Variants in RGS10 observed in about 807,000 individuals in gnomAD.
RGS10 encodes regulator of G-protein signalling 10.
In RGS10, 11 loss-of-function variants were observed where a neutral mutation model predicts 23.5. The ratio of observed to expected loss-of-function variants is 0.47; its 90% CI spans 0.29 to 0.77. The LOEUF (loss-of-function observed/expected upper bound fraction) is 0.77, where lower values mean the gene tolerates loss of function less well. Among genes scored for constraint, RGS10 ranks in the 30% least tolerant of loss-of-function variants. RGS10 has a pLI of 0.08. For synonymous variants in RGS10, 77 were observed against 83.2 expected (o/e 0.92, Z 0.41); for missense variants, 180 against 226.3 (o/e 0.80, Z 1.31).
intron 4 of RGS10, 92 bp from the exon 5 acceptor site, chr10:119,500,351 C>A: frequency 8.6e-7 from 1 of 1,156,090 alleles, no homozygotes; most frequent in South Asian, 1.7e-5. Context: ...TACCATGTGC[C>A]AAAGAATACT....
intron 4 of RGS10, among the ~76,000 whole-genome samples, chr10:119,513,716 C>T (rs778547832): frequency 6.6e-6 from 1 of 152,134 alleles, no homozygotes; most frequent in Non-Finnish European, 1.5e-5. Flanking sequence ...CCTTGGCTCC[C>T]GCAGTCCTGG....
At chr10:119,526,983 T>C (rs1394792953) in intron 2 of RGS10, among the ~76,000 whole-genome samples, 4 of 152,028 alleles carry the variant, frequency 2.6e-5, no homozygotes, top group Non-Finnish European at 4.4e-5. Context: ...AGCCTTCACG[T>C]CAGAGAGACC....
intron 1 of RGS10, among the ~76,000 whole-genome samples, chr10:119,537,984 G>A (rs1214610755): frequency 3.3e-5 from 5 of 152,148 alleles, no homozygotes; most frequent in African/African-American, 1.2e-4. Context: ...AAGATTCTGT[G>A]GATCAGGACA....
chr10:119,515,395 G>C (rs1011329155), intron 4 of RGS10, 114 bp downstream of exon 4: 3 of 1,297,630 alleles, frequency 2.3e-6, no homozygotes, highest in Non-Finnish European at 3.2e-6. Context: ...CGGTCTGCCC[G>C]GCCGTATGAG....
chr10:119,504,798 C>A (rs891467725), intron 4 of RGS10, among the ~76,000 whole-genome samples: 2 of 152,148 alleles, frequency 1.3e-5, no homozygotes, highest in Non-Finnish European at 2.9e-5. Flanking sequence ...CAGCCACCAG[C>A]AGTCTGTAAG....
In RGS10 at chr10:119,542,674, C is replaced by G. The variant is rs1283277880; in HGVS notation, c.-36G>C. Reference sequence around the variant, plus strand: ...GCCCGAGGAGGAAGAAGGAGCAGCCCGGCGGCGCGGCGGCTGAGCCGGAGG... The same window carrying G: ...GCCCGAGGAGGAAGAAGGAGCAGCCGGGCGGCGCGGCGGCTGAGCCGGAGG... On this transcript the variant is annotated 5_prime_UTR_variant, in exon 1 of 5. Transcript: ENST00000369103. The G allele has an allele frequency of 6.7e-6, 9 of 1,336,008 alleles. No individual in the cohort carries two copies. Among genetic ancestry groups the G allele is most frequent in the South Asian group, 1.8e-5 (1 of 54,496 alleles). The allele number at this position is 1,336,008 out of a possible 1,614,324, so 82.8% of individuals were successfully genotyped here.
chr10:119,520,257 G>A (rs900499764), intron 3 of RGS10, among the ~76,000 whole-genome samples: 1 of 152,256 alleles, frequency 6.6e-6, no homozygotes, highest in Admixed American at 6.5e-5. Flanking sequence ...AACTGGCTCA[G>A]GAAATGAGAA....
chr10:119,507,474 C>T (rs898905014), intron 4 of RGS10, among the ~76,000 whole-genome samples: 2 of 151,862 alleles, frequency 1.3e-5, no homozygotes, highest in African/African-American at 2.4e-5. Flanking sequence ...TCCCCTCTTA[C>T]GTTCTGGGAA....
rs562970109 is a variant in RGS10, at chr10:119,513,404, G to A, written c.399+2105C>T. 7.4e-4 allele frequency among the ~76,000 whole-genome samples: 112 copies of A among 152,234 alleles called. 2 individuals are homozygous for A. The South Asian group carries it at 0.023, about 31-fold the overall frequency. ...GAGCCCGGGAGGCCAAGGCTGCACT[G>A]AGCCGGGTTCATGCCACTGTGCTCC... On this transcript the variant is annotated intron_variant, in intron 4 of 4. Coordinates refer to ENST00000369103, the MANE Select transcript of RGS10 (RefSeq NM_001005339.2).
At chr10:119,508,946 TA>T (rs2133946990) in intron 4 of RGS10, among the ~76,000 whole-genome samples, 1 of 150,836 alleles carries the variant, frequency 6.6e-6, no homozygotes, top group East Asian at 2.0e-4. Flanking sequence ...AAATATATTT[TA>T]AAAATTAGCC....
At position 119,527,842 on chromosome 10, in the gene RGS10, C is replaced by T. The variant is rs751118021; in HGVS notation, c.50-418G>A. ...TATGGTGCTGTGTTGTGACTATTTA[C>T]ATGACTGACTCCCACTAGTCTGAAG... On this transcript the variant is annotated intron_variant, in intron 1 of 4. Transcript: ENST00000369103. This position sits in a 1 kb window ranked among gnomAD's most constrained non-coding sequence, Gnocchi z 4.2. Among the ~76,000 whole-genome samples the T allele has an allele frequency of 6.6e-6, 1 of 152,328 alleles. No homozygotes were observed. Among genetic ancestry groups the T allele is most frequent in the Middle Eastern group, 3.4e-3 (1 of 294 alleles).
At chr10:119,525,892 C>A (rs1844267680) in intron 3 of RGS10, 140 bp downstream of exon 3, 2 of 438,464 alleles carry the variant, frequency 4.6e-6, no homozygotes, top group Non-Finnish European at 8.2e-6. Flanking sequence ...AATATTTGAT[C>A]AACACAAGAT....
At chr10:119,537,795 C>T (rs890362295) in intron 1 of RGS10, among the ~76,000 whole-genome samples, 4 of 152,172 alleles carry the variant, frequency 2.6e-5, no homozygotes, top group African/African-American at 9.7e-5. Context: ...GTGAACTGTG[C>T]TGGTAGAGGA....
intron 1 of RGS10, among the ~76,000 whole-genome samples, chr10:119,530,016 C>T (rs910467303): frequency 2.6e-5 from 4 of 152,012 alleles, no homozygotes; most frequent in Non-Finnish European, 5.9e-5. Context: ...TGCTTGAACC[C>T]GGGAGGCGGA....
At chr10:119,512,152 G>A (rs201050146) in intron 4 of RGS10, among the ~76,000 whole-genome samples, 2 of 152,118 alleles carry the variant, frequency 1.3e-5, no homozygotes, top group East Asian at 1.9e-4. Flanking sequence ...GGCTAAGTTC[G>A]GGGGCGGCGG....
rs890502628 is a variant in RGS10, at chr10:119,517,479, C to G, written c.256-1827G>C. ...GCCCTGCTGTCCTCTCCAAGACCCA[C>G]CAGCTCCATGAAGCCACAGCCTCCC... On this transcript the variant is annotated intron_variant, in intron 3 of 4. Coordinates refer to ENST00000369103, the MANE Select transcript of RGS10 (RefSeq NM_001005339.2). This position sits in a 1 kb window ranked among gnomAD's most constrained non-coding sequence, Gnocchi z 5.0. 2.0e-5 allele frequency among the ~76,000 whole-genome samples: 3 copies of G among 152,348 alleles called. No homozygotes were observed. Among genetic ancestry groups the G allele is most frequent in the African/African-American group, 7.2e-5 (3 of 41,584 alleles).
chr10:119,535,735 A>T (rs1844381414), intron 1 of RGS10, among the ~76,000 whole-genome samples: 1 of 152,266 alleles, frequency 6.6e-6, no homozygotes, highest in African/African-American at 2.4e-5. Flanking sequence ...TGTCCTAAGT[A>T]CTCCCCCAAA....
At chr10:119,526,813 C>G (rs929369683) in intron 2 of RGS10, among the ~76,000 whole-genome samples, 5 of 152,002 alleles carry the variant, frequency 3.3e-5, no homozygotes, top group African/African-American at 1.2e-4. Flanking sequence ...CCATCTGGCA[C>G]CGGGGGCTTC....
intron 4 of RGS10, among the ~76,000 whole-genome samples, chr10:119,514,473 C>T (rs1343829461): frequency 6.6e-6 from 1 of 151,970 alleles, no homozygotes; most frequent in East Asian, 1.9e-4. Context: ...GCCTAGTCAA[C>T]ATGGTGAAAC....
Sources: allele counts gnomAD v4.1 joint callset (sites outside exome capture counted in the v4.1 genomes callset), GRCh38; gene constraint gnomAD v4.1.1; non-coding constraint Gnocchi (gnomAD v3.1); transcripts MANE v1.5; gene names NCBI Gene and HGNC (gene_info 2026-07-23, HGNC 2026-07-21).